Variants in SPATA7 observed in about 807,000 individuals in gnomAD.
SPATA7 encodes the protein spermatogenesis-associated protein 7.
SPATA7 carries 43 observed loss-of-function variants against 51.8 expected under a neutral mutation model. The ratio of observed to expected loss-of-function variants is 0.83; its 90% CI spans 0.65 to 1.07. The LOEUF (loss-of-function observed/expected upper bound fraction) is 1.07, where lower values mean the gene tolerates loss of function less well. Ranked by LOEUF, SPATA7 falls within the 50% of genes least tolerant of loss-of-function variation. The pLI, the probability that SPATA7 is intolerant of heterozygous loss-of-function variation, is 0.00. For missense variants in SPATA7, 683 were observed against 701.3 expected (o/e 0.97, Z 0.30); for synonymous variants, 230 against 252.8 (o/e 0.91, Z 0.86).
At chr14:88,444,838 A>G (rs977156087) in intron 3 of SPATA7, among the ~76,000 whole-genome samples, 3,758 of 152,118 alleles carry the variant, frequency 0.025, 168 homozygotes, top group African/African-American at 0.086. Context: ...TGTTCCATTG[A>G]TCTATATCTC....
intron 5 of SPATA7, among the ~76,000 whole-genome samples, chr14:88,422,885 T>C (rs544834700): frequency 7.2e-5 from 11 of 152,296 alleles, no homozygotes; most frequent in African/African-American, 2.6e-4. Flanking sequence ...ATGGGTGTTA[T>C]GGTTAACAGA....
intron 3 of SPATA7, among the ~76,000 whole-genome samples, chr14:88,448,608 T>C (rs1047870010): frequency 6.6e-5 from 10 of 152,194 alleles, no homozygotes; most frequent in African/African-American, 2.4e-4. Flanking sequence ...TTCCCCATCT[T>C]TGTGGTTTTA....
chr14:88,416,496 ATAAAT>A, intron 4 of SPATA7: 1 of 376,374 alleles, frequency 2.7e-6, no homozygotes, highest in Non-Finnish European at 4.7e-6. Flanking sequence ...TAGAATTTCT[ATAAAT>A]TAAATGTGTT....
At chr14:88,464,109 G>A (rs2077337099) in intron 4 of SPATA7, among the ~76,000 whole-genome samples, 1 of 152,034 alleles carries the variant, frequency 6.6e-6, no homozygotes, top group Non-Finnish European at 1.5e-5. Flanking sequence ...AAAGTGCTGG[G>A]ATTTACAGGG....
chr14:88,453,501 G>C (rs1167365762), intron 3 of SPATA7, among the ~76,000 whole-genome samples: 1 of 152,062 alleles, frequency 6.6e-6, no homozygotes, highest in African/African-American at 2.4e-5. Context: ...GAACTAATTA[G>C]CTGTATGGTC....
chr14:88,396,427 C>G (rs1386647977), intron 4 of SPATA7, among the ~76,000 whole-genome samples: 1 of 152,088 alleles, frequency 6.6e-6, no homozygotes, highest in Non-Finnish European at 1.5e-5. Context: ...CCCTGGAAAC[C>G]AACATTCTTT....
intron 4 of SPATA7, among the ~76,000 whole-genome samples, chr14:88,461,623 T>TG (rs2077318029): frequency 6.6e-6 from 1 of 152,134 alleles, no homozygotes; most frequent in South Asian, 2.1e-4. Context: ...TTCCCTTGGC[T>TG]AGGAAAGGGA....
At chr14:88,435,968 T>C (rs1034228958) in intron 10 of SPATA7, among the ~76,000 whole-genome samples, 1 of 152,152 alleles carries the variant, frequency 6.6e-6, no homozygotes, top group African/African-American at 2.4e-5. Context: ...AATTTCTAGT[T>C]TTTTGAGGGA....
At chr14:88,417,314 T>TATATA (rs145668254) in intron 5 of SPATA7, among the ~76,000 whole-genome samples, 1 of 145,016 alleles carries the variant, frequency 6.9e-6, no homozygotes, top group Non-Finnish European at 1.5e-5. Flanking sequence ...GTTTTTTTTT[T>TATATA]TTTATATATA....
chr14:88,456,504 T>C (rs1256601078), downstream of SPATA7, among the ~76,000 whole-genome samples: 1 of 152,178 alleles, frequency 6.6e-6, no homozygotes, highest in Non-Finnish European at 1.5e-5. Flanking sequence ...ATGTGTCTTT[T>C]GGCTGCATAA....
chr14:88,400,327 G>C (rs1289739992), intron 4 of SPATA7, among the ~76,000 whole-genome samples: 2 of 152,140 alleles, frequency 1.3e-5, no homozygotes, highest in Non-Finnish European at 2.9e-5. Flanking sequence ...AGCAAAATTA[G>C]TACTAAGAGA....
intron 4 of SPATA7, among the ~76,000 whole-genome samples, chr14:88,464,722 TC>T (rs1315358111): frequency 6.6e-6 from 1 of 151,720 alleles, no homozygotes; most frequent in Admixed American, 6.6e-5. Flanking sequence ...AGAACGAAAC[TC>T]CGTCTCAAAA....
intron 4 of SPATA7, among the ~76,000 whole-genome samples, chr14:88,404,028 A>G (rs1039133185): frequency 6.6e-6 from 1 of 152,172 alleles, no homozygotes; most frequent in African/African-American, 2.4e-5. Flanking sequence ...TTTGTCTGCT[A>G]TACCTTAACA....
intron 4 of SPATA7, among the ~76,000 whole-genome samples, chr14:88,398,028 G>A (rs930572467): frequency 2.0e-5 from 3 of 151,608 alleles, no homozygotes; most frequent in African/African-American, 7.3e-5. Context: ...CTTGCAGTGA[G>A]CAGAGATCGC....
intron 1 of SPATA7, among the ~76,000 whole-genome samples, chr14:88,390,290 C>T (rs143076273): frequency 6.6e-6 from 1 of 150,426 alleles, no homozygotes; most frequent in African/African-American, 2.4e-5. Context: ...AAAGAAACGT[C>T]TAGGGAAGGA....
intron 4 of SPATA7, among the ~76,000 whole-genome samples, chr14:88,398,890 A>G (rs2075976221): frequency 1.3e-4 from 19 of 151,776 alleles, no homozygotes; most frequent in Admixed American, 1.2e-3. Flanking sequence ...GTCTCTACTA[A>G]AAGTACAAAA....
chr14:88,411,960 T>G (rs1442860819), intron 4 of SPATA7, among the ~76,000 whole-genome samples: 4 of 152,310 alleles, frequency 2.6e-5, no homozygotes, highest in Middle Eastern at 3.4e-3. Flanking sequence ...TCAGCTTTCC[T>G]CAGTGGCTGA....
chr14:88,465,557 C>G (rs2140067753), intron 4 of SPATA7, among the ~76,000 whole-genome samples: 1 of 152,150 alleles, frequency 6.6e-6, no homozygotes, highest in Non-Finnish European at 1.5e-5. Context: ...ATCAGGAAAA[C>G]TGATACCAGA....
At chr14:88,456,881 C>T (rs1318048031), downstream of SPATA7, among the ~76,000 whole-genome samples, 1 of 152,062 alleles carries the variant, frequency 6.6e-6, no homozygotes, top group African/African-American at 2.4e-5. Context: ...GTCTTTAGTC[C>T]ATCTTGAATT....
Sources: allele counts gnomAD v4.1 joint callset (sites outside exome capture counted in the v4.1 genomes callset), GRCh38; gene constraint gnomAD v4.1.1; transcripts MANE v1.5; gene names NCBI Gene and HGNC (gene_info 2026-07-23, HGNC 2026-07-21).